CDH7: variants seen among roughly 807,000 people sequenced by gnomAD.
The protein encoded by CDH7 is cadherin-7.
Under a neutral mutation model 71.8 loss-of-function variants are expected in CDH7, and 25 were observed. The ratio of observed to expected loss-of-function variants is 0.35; its 90% CI spans 0.25 to 0.49. The LOEUF (loss-of-function observed/expected upper bound fraction) is 0.49. CDH7 is among the 20% of genes least tolerant of loss of function. The pLI is 0.99. For synonymous variants in CDH7, 381 were observed against 363.8 expected (o/e 1.05, Z -0.54); for missense variants, 862 against 974.6 (o/e 0.88, Z 1.54).
chr18:65,856,157 A>G (rs1913348396), intron 7 of CDH7, among the ~76,000 whole-genome samples: 1 of 152,180 alleles, frequency 6.6e-6, no homozygotes, highest in Non-Finnish European at 1.5e-5. Context: ...AATCCCAGTC[A>G]AATCATCAAA....
chr18:65,795,098 A>T (rs1490126490), intron 2 of CDH7, among the ~76,000 whole-genome samples: 1 of 152,178 alleles, frequency 6.6e-6, no homozygotes, highest in Non-Finnish European at 1.5e-5. Context: ...TTTGAATTAG[A>T]ATGGATCGAG....
At chr18:65,799,465 C>A (rs1911036489) in intron 2 of CDH7, among the ~76,000 whole-genome samples, 1 of 152,054 alleles carries the variant, frequency 6.6e-6, no homozygotes, top group African/African-American at 2.4e-5. Flanking sequence ...ATCACGAGGT[C>A]AGGAGATCGA....
At chr18:65,830,071 A>G (rs1385314660) in intron 6 of CDH7, among the ~76,000 whole-genome samples, 2 of 152,154 alleles carry the variant, frequency 1.3e-5, no homozygotes, top group African/African-American at 4.8e-5. Context: ...TCAGGTAGAC[A>G]AGAGAAAGTG....
At chr18:65,862,528 A>C (rs1913600992) in intron 10 of CDH7, 138 bp from the exon 11 acceptor site, 1 of 798,146 alleles carries the variant, frequency 1.3e-6, no homozygotes, top group African/African-American at 1.7e-5. Flanking sequence ...GAATTGAAAG[A>C]AAATTGTTGA....
chr18:65,830,333 C>A (rs1912291978), intron 6 of CDH7, among the ~76,000 whole-genome samples: 1 of 152,098 alleles, frequency 6.6e-6, no homozygotes, highest in South Asian at 2.1e-4. Flanking sequence ...AGGTGCAGCT[C>A]AATAAAATAT....
At chr18:65,831,795 C>A (rs1912358715) in intron 6 of CDH7, among the ~76,000 whole-genome samples, 1 of 127,694 alleles carries the variant, frequency 7.8e-6, no homozygotes, top group Admixed American at 9.3e-5. Context: ...AGACTAAAAG[C>A]CAGAAATTCT....
At chr18:65,865,118 T>C (rs1273141411) in intron 11 of CDH7, 1 of 152,160 alleles carries the variant, frequency 6.6e-6, no homozygotes, top group Non-Finnish European at 1.5e-5. Flanking sequence ...ATTTTAAGGC[T>C]GTCTGATGAA....
rs1358941265 is a variant in CDH7, at chr18:65,881,753, C to T, written c.*859C>T. 1.3e-5 allele frequency: 2 copies of T among 152,080 alleles called. No individual in the cohort carries two copies. Among genetic ancestry groups the T allele is most frequent in the Non-Finnish European group, 2.9e-5 (2 of 68,012 alleles). 9.4% of individuals were successfully genotyped at this position (152,080 alleles called of 1,614,324 possible). A position where few individuals can be genotyped will look rare whatever the true frequency, so the allele number is the denominator to read the frequency against. ...TAAATTCAGGTCCATCATACTGCCTCATAGTATTAAACTCATCAGAACATG... is the reference window on the plus strand; with the variant it reads ...TAAATTCAGGTCCATCATACTGCCTTATAGTATTAAACTCATCAGAACATG... On this transcript the variant is annotated 3_prime_UTR_variant, in exon 12 of 12. Coordinates refer to ENST00000397968, the MANE Select transcript of CDH7 (RefSeq NM_004361.5).
chr18:65,879,244 A>G (rs1914151605), intron 11 of CDH7, among the ~76,000 whole-genome samples: 1 of 152,176 alleles, frequency 6.6e-6, no homozygotes, highest in Non-Finnish European at 1.5e-5. Context: ...TCCTAATGCC[A>G]AAGTAAAAAG....
In CDH7 at chr18:65,781,890, C is replaced by T. The variant is rs1568181814; in HGVS notation, c.210+18838C>T. Among the ~76,000 whole-genome samples the T allele has an allele frequency of 1.8e-4, 18 of 98,262 alleles. 5 individuals carry two copies. Among genetic ancestry groups the T allele is most frequent in the African/African-American group, 8.0e-4 (17 of 21,380 alleles). 64.5% of individuals were successfully genotyped at this position (98,262 alleles called of 152,430 possible). ...TCTCTCTCTCTCTCTGTCTCTCTCT[C>T]TCTTTCTCTCTATCTTTCTCTCTTT... On this transcript the variant is annotated intron_variant, in intron 2 of 11. Coordinates refer to ENST00000397968, the MANE Select transcript of CDH7 (RefSeq NM_004361.5).
intron 2 of CDH7, among the ~76,000 whole-genome samples, chr18:65,795,518 T>C (rs1910878883): frequency 6.6e-6 from 1 of 152,142 alleles, no homozygotes; most frequent in African/African-American, 2.4e-5. Context: ...ACTATGTATC[T>C]ATAATGTGAC....
intron 7 of CDH7, among the ~76,000 whole-genome samples, chr18:65,855,601 T>C (rs1913325994): frequency 6.6e-6 from 1 of 152,172 alleles, no homozygotes; most frequent in Non-Finnish European, 1.5e-5. Flanking sequence ...ATAATTTTAG[T>C]TAAAAACTTT....
rs139327149 is a variant in CDH7 at position 65,776,574 on chromosome 18, T to C, written c.210+13522T>C. Among the ~76,000 whole-genome samples, 1,283 of 152,316 alleles carry C rather than the reference T, an allele frequency of 8.4e-3. 13 individuals are homozygous for C. Among genetic ancestry groups the C allele is most frequent in the African/African-American group, 0.03 (1,233 of 41,574 alleles). ...AAAAGTGATGCTTAATGGAACTAGA[T>C]AAATGAGATTGCTTGTTAATCTCTC... On this transcript the variant is annotated intron_variant, in intron 2 of 11. Coordinates refer to ENST00000397968, the MANE Select transcript of CDH7 (RefSeq NM_004361.5).
chr18:65,830,168 T>C (rs991409712), intron 6 of CDH7, among the ~76,000 whole-genome samples: 38 of 152,248 alleles, frequency 2.5e-4, no homozygotes, highest in Middle Eastern at 6.8e-3. Flanking sequence ...CTTTGGAGGA[T>C]AATGAGGAAG....
At chr18:65,835,172 G>A (rs142755648) in intron 6 of CDH7, among the ~76,000 whole-genome samples, 294 of 152,262 alleles carry the variant, frequency 1.9e-3, no homozygotes, top group African/African-American at 5.9e-3. Context: ...AACAGAGGTT[G>A]TATGGTCTTT....
intron 1 of CDH7, among the ~76,000 whole-genome samples, chr18:65,751,943 C>G (rs1253357625): frequency 6.6e-6 from 1 of 152,134 alleles, no homozygotes; most frequent in African/African-American, 2.4e-5. Flanking sequence ...TCTTAAATGT[C>G]ATAGTTCAGG....
rs1914329776 is a variant in CDH7 at position 65,884,947 on chromosome 18, C to T, written c.*4053C>T. 1 of 152,088 alleles carries T rather than the reference C, an allele frequency of 6.6e-6. No homozygotes were observed. The highest frequency in any genetic ancestry group is 2.4e-5 in the African/African-American group (1 of 41,404). The allele number at this position is 152,088 out of a possible 1,614,324, so 9.4% of individuals were successfully genotyped here. On this transcript the variant is annotated 3_prime_UTR_variant, in exon 12 of 12. Coordinates refer to ENST00000397968, the MANE Select transcript of CDH7 (RefSeq NM_004361.5). ...TTATTTTTTAACTCTTTCTGGTCCA[C>T]GATGCCTGGAGGCAAGTGAAATATA...
At chr18:65,863,768 C>A (rs946851418) in intron 11 of CDH7, 1 of 152,100 alleles carries the variant, frequency 6.6e-6, no homozygotes, top group Non-Finnish European at 1.5e-5. Context: ...GTTTATTACT[C>A]GGTTAAATTA....
At chr18:65,780,992 C>G (rs1450415876) in intron 2 of CDH7, among the ~76,000 whole-genome samples, 1 of 146,114 alleles carries the variant, frequency 6.8e-6, no homozygotes, top group Non-Finnish European at 1.5e-5. Context: ...TTTATTTGCA[C>G]TAGCTATGGT....
Sources: gnomAD v4.1 joint callset for allele counts (sites outside exome capture counted in the v4.1 genomes callset) on GRCh38, gnomAD v4.1.1 for gene constraint, MANE v1.5 for transcripts, NCBI Gene and HGNC (gene_info 2026-07-23, HGNC 2026-07-21) for gene names.